ATG5: variants seen among roughly 807,000 people sequenced by gnomAD.
The protein encoded by ATG5 is autophagy protein 5.
A neutral mutation model predicts 36.5 loss-of-function variants in ATG5; 14 were observed. That is an observed-to-expected ratio of 0.38 (90% CI 0.25 to 0.60). The LOEUF (loss-of-function observed/expected upper bound fraction) is 0.60. Ranked by LOEUF, ATG5 falls within the 20% of genes least tolerant of loss-of-function variation. ATG5 has a pLI of 0.60. For synonymous variants in ATG5, 95 were observed against 101.5 expected (o/e 0.94, Z 0.38); for missense variants, 195 against 326.7 (o/e 0.60, Z 3.11).
intron 5 of ATG5, among the ~76,000 whole-genome samples, chr6:106,260,046 G>C (rs1459551565): frequency 2.6e-5 from 4 of 152,070 alleles, no homozygotes; most frequent in Admixed American, 6.5e-5. Flanking sequence ...CTCATAGGGG[G>C]GAACTGAAAA....
intron 3 of ATG5, among the ~76,000 whole-genome samples, chr6:106,301,737 T>C (rs1770215920): frequency 6.6e-6 from 1 of 152,076 alleles, no homozygotes; most frequent in South Asian, 2.1e-4. Context: ...TGTAAGTATA[T>C]AATACAAACA....
intron 3 of ATG5, among the ~76,000 whole-genome samples, chr6:106,297,585 C>T (rs951724493): frequency 1.3e-5 from 2 of 151,946 alleles, no homozygotes; most frequent in Non-Finnish European, 2.9e-5. Context: ...ATTTTAGATA[C>T]CTTTAAAACT....
At chr6:106,196,126 CTAAAA>C (rs924901789) in intron 7 of ATG5, among the ~76,000 whole-genome samples, 1 of 151,996 alleles carries the variant, frequency 6.6e-6, no homozygotes, top group African/African-American at 2.4e-5. Context: ...TATAGGAACA[CTAAAA>C]TAACAAAACA....
chr6:106,271,954 A>T (rs1200077219), intron 5 of ATG5, among the ~76,000 whole-genome samples: 1 of 152,212 alleles, frequency 6.6e-6, no homozygotes, highest in Non-Finnish European at 1.5e-5. Flanking sequence ...GAAGTTTTTA[A>T]TCCCAGATAA....
intron 6 of ATG5, among the ~76,000 whole-genome samples, chr6:106,205,513 C>T (rs1776595747): frequency 6.6e-6 from 1 of 151,752 alleles, no homozygotes; most frequent in South Asian, 2.1e-4. Flanking sequence ...TTACATGTAC[C>T]CCATAAATAA....
At chr6:106,199,813 TAGAA>T (rs551012528) in intron 7 of ATG5, among the ~76,000 whole-genome samples, 248 of 152,318 alleles carry the variant, frequency 1.6e-3, no homozygotes, top group African/African-American at 5.2e-3. Flanking sequence ...ATGGTAATGA[TAGAA>T]AGAATTCAGT....
chr6:106,222,696 T>C (rs1777297813), intron 6 of ATG5, among the ~76,000 whole-genome samples: 1 of 152,234 alleles, frequency 6.6e-6, no homozygotes, highest in South Asian at 2.1e-4. Context: ...GAGCATAGGC[T>C]ATAAAGCCAG....
At chr6:106,252,677 C>T (rs1778640373) in intron 5 of ATG5, among the ~76,000 whole-genome samples, 1 of 152,178 alleles carries the variant, frequency 6.6e-6, no homozygotes, top group Non-Finnish European at 1.5e-5. Flanking sequence ...TAAAATCCCC[C>T]ACGGGAGACA....
Position 106,209,224 on chromosome 6 carries a change from C to T in ATG5, c.574-7135G>A, listed in dbSNP as rs72943485. Among the ~76,000 whole-genome samples the T allele has an allele frequency of 7.4e-3, 1,123 of 152,248 alleles. 5 individuals carry two copies. Among genetic ancestry groups the T allele is most frequent in the Non-Finnish European group, 0.011 (750 of 67,990 alleles). On this transcript the variant is annotated intron_variant, in intron 6 of 7. Coordinates refer to ENST00000369076, the MANE Select transcript of ATG5 (RefSeq NM_004849.4). Reference sequence around the variant, plus strand: ...CTTCTCCAAAAAACTTATACATGAACGTTCATAGCTGTTTTATTCGTGAGA... The same window carrying T: ...CTTCTCCAAAAAACTTATACATGAATGTTCATAGCTGTTTTATTCGTGAGA...
intron 5 of ATG5, among the ~76,000 whole-genome samples, chr6:106,269,060 T>G (rs1401071465): frequency 6.6e-6 from 1 of 152,146 alleles, no homozygotes; most frequent in Non-Finnish European, 1.5e-5. Context: ...ATAAAAGTTT[T>G]CCATTCTCTG....
intron 4 of ATG5, among the ~76,000 whole-genome samples, chr6:106,289,581 T>C (rs1165855455): frequency 6.6e-6 from 1 of 152,150 alleles, no homozygotes; most frequent in East Asian, 1.9e-4. Context: ...GGGAAGAAAA[T>C]GTATGACCTA....
intron 6 of ATG5, among the ~76,000 whole-genome samples, chr6:106,234,999 G>A (rs750831152): frequency 4.0e-5 from 6 of 151,146 alleles, no homozygotes; most frequent in Admixed American, 6.6e-5. Context: ...TTATTTTAGC[G>A]GAAGAATGTT....
At chr6:106,213,881 T>C (rs191077559) in intron 6 of ATG5, among the ~76,000 whole-genome samples, 1 of 152,360 alleles carries the variant, frequency 6.6e-6, no homozygotes, top group African/African-American at 2.4e-5. Context: ...GTTCTTTTCA[T>C]TCCTCTCTTG....
chr6:106,264,284 A>G (rs1779144542), intron 5 of ATG5, among the ~76,000 whole-genome samples: 1 of 152,214 alleles, frequency 6.6e-6, no homozygotes, highest in Non-Finnish European at 1.5e-5. Context: ...GTATGAACAC[A>G]AGATTAGAGA....
At chr6:106,319,539 C>T (rs1770984384) in intron 1 of ATG5, among the ~76,000 whole-genome samples, 1 of 152,200 alleles carries the variant, frequency 6.6e-6, no homozygotes. Flanking sequence ...TTTGCCCATG[C>T]TGGTGGTACC....
chr6:106,302,124 G>A (rs1770235547), intron 3 of ATG5, among the ~76,000 whole-genome samples: 1 of 151,982 alleles, frequency 6.6e-6, no homozygotes, highest in African/African-American at 2.4e-5. Context: ...CCACAAAAAA[G>A]GTCATAGTTA....
chr6:106,265,428 A>G (rs973841450), intron 5 of ATG5, among the ~76,000 whole-genome samples: 2 of 152,166 alleles, frequency 1.3e-5, no homozygotes, highest in Non-Finnish European at 2.9e-5. Flanking sequence ...CCCACTGTCA[A>G]TATTACACAG....
chr6:106,323,055 A>G (rs1771153352), intron 1 of ATG5, among the ~76,000 whole-genome samples: 1 of 151,742 alleles, frequency 6.6e-6, no homozygotes, highest in South Asian at 2.1e-4. Flanking sequence ...AGTGGCTGGG[A>G]CTACAAGCGC....
At chr6:106,256,671 T>C (rs1219500906) in intron 5 of ATG5, among the ~76,000 whole-genome samples, 1 of 152,124 alleles carries the variant, frequency 6.6e-6, no homozygotes, top group Non-Finnish European at 1.5e-5. Context: ...ACCTATATGG[T>C]ATGTGCAAAC....
Sources: gnomAD v4.1 joint callset for allele counts (sites outside exome capture counted in the v4.1 genomes callset) on GRCh38, gnomAD v4.1.1 for gene constraint, MANE v1.5 for transcripts, NCBI Gene and HGNC (gene_info 2026-07-23, HGNC 2026-07-21) for gene names.